Variants in LINGO2 observed in about 807,000 individuals in gnomAD.
LINGO2 encodes leucine rich repeat and Ig domain containing 2, also known as leucine-rich repeat and immunoglobulin-like domain-containing nogo receptor-interacting protein 2.
Under a neutral mutation model 30.6 loss-of-function variants are expected in LINGO2, and 14 were observed. The ratio of observed to expected loss-of-function variants is 0.46; its 90% CI spans 0.30 to 0.72. The LOEUF is 0.72. LINGO2 is among the 30% of genes least tolerant of loss of function. The probability of loss-of-function intolerance (pLI) is 0.07; values close to 1 mark genes in which losing one functional copy is unlikely to be tolerated. For synonymous variants in LINGO2, 317 were observed against 288.5 expected, an observed-to-expected ratio of 1.10 and a Z score of -1.00; for missense variants, 729 against 751.7, an observed-to-expected ratio of 0.97 and a Z score of 0.35.
the LINGO2 span, among the ~76,000 whole-genome samples, chr9:28,858,347 T>C: frequency 1.3e-5 from 2 of 152,072 alleles, no homozygotes; most frequent in Non-Finnish European, 2.9e-5. Flanking sequence ...TCTCAAATTA[T>C]GCAATCCCAT....
intron 5 of LINGO2, among the ~76,000 whole-genome samples, chr9:27,977,487 T>G (rs552068672): frequency 9.0e-4 from 137 of 152,046 alleles, no homozygotes; most frequent in African/African-American, 3.3e-3. Context: ...TTACGACGAC[T>G]CCCTGACTAC....
chr9:28,082,783 C>A (rs959683301), intron 4 of LINGO2, among the ~76,000 whole-genome samples: 1 of 152,154 alleles, frequency 6.6e-6, no homozygotes, highest in Non-Finnish European at 1.5e-5. Flanking sequence ...CTGCGTTTTT[C>A]TGACTCATAT....
the LINGO2 span, among the ~76,000 whole-genome samples, chr9:28,831,957 T>G: frequency 5.3e-4 from 80 of 152,352 alleles, no homozygotes; most frequent in Middle Eastern, 6.8e-3. Context: ...AAACAAATTT[T>G]GTGGCATTAG....
At chr9:28,764,287 C>T in the LINGO2 span, among the ~76,000 whole-genome samples, 1 of 151,784 alleles carries the variant, frequency 6.6e-6, no homozygotes, top group African/African-American at 2.4e-5. Context: ...AATTTAACAA[C>T]ACATCAAATA....
At chr9:28,089,319 A>G (rs187941519) in intron 4 of LINGO2, among the ~76,000 whole-genome samples, 1 of 152,310 alleles carries the variant, frequency 6.6e-6, no homozygotes, top group African/African-American at 2.4e-5. Flanking sequence ...TTGGAAGTAA[A>G]GTACATCTTA....
rs774372429 is a variant in LINGO2 at position 27,950,376 on chromosome 9, C to G, written c.296G>C (p.Gly99Ala). The G allele has an allele frequency of 5.6e-6, 9 of 1,614,042 alleles. No homozygotes were observed. The East Asian group carries it at 2.0e-4, about 36-fold the overall frequency. Reference sequence around the variant, plus strand: ...CAGGTTAAAGAGATTGTTGAATGCTCCTGGTTCCACATTGGCAATGATGTT... The same window carrying G: ...CAGGTTAAAGAGATTGTTGAATGCTGCTGGTTCCACATTGGCAATGATGTT... Residue 99 changes from glycine (G) to alanine (A), a missense_variant, in exon 6 of 6, where the codon GGA becomes GCA. Physicochemically the swap from Gly to Ala is moderately conservative, Grantham distance 60. Transcript: ENST00000379992.
chr9:28,574,758 C>T (rs1191708844), intron 1 of LINGO2, among the ~76,000 whole-genome samples: 2 of 152,114 alleles, frequency 1.3e-5, no homozygotes, highest in Admixed American at 6.5e-5. Context: ...TCAATCTGCA[C>T]AAGGAATCAA....
the LINGO2 span, among the ~76,000 whole-genome samples, chr9:29,102,553 A>G: frequency 3.9e-5 from 6 of 152,186 alleles, no homozygotes; most frequent in Non-Finnish European, 7.4e-5. Flanking sequence ...TATAAGAATA[A>G]TGAGGTTTGA....
the LINGO2 span, among the ~76,000 whole-genome samples, chr9:28,743,893 A>C: frequency 1.3e-5 from 2 of 151,358 alleles, no homozygotes; most frequent in Non-Finnish European, 2.9e-5. Context: ...TTTATTTGTA[A>C]ATTTTTCTGT....
At chr9:29,016,854 G>T in the LINGO2 span, among the ~76,000 whole-genome samples, 1 of 152,232 alleles carries the variant, frequency 6.6e-6, no homozygotes, top group East Asian at 1.9e-4. Flanking sequence ...CATATAAGAA[G>T]ATCATCTTTA....
chr9:28,251,794 A>G (rs553707553), intron 4 of LINGO2, among the ~76,000 whole-genome samples: 4 of 152,290 alleles, frequency 2.6e-5, no homozygotes, highest in South Asian at 2.1e-4. Context: ...ACTATTACAT[A>G]CAGGGAGGAA....
chr9:28,339,864 G>A (rs938147938), intron 3 of LINGO2, among the ~76,000 whole-genome samples: 1 of 152,112 alleles, frequency 6.6e-6, no homozygotes, highest in Non-Finnish European at 1.5e-5. Flanking sequence ...GGACAACTCT[G>A]TTGATTGGAG....
chr9:28,390,908 C>G (rs1055108364), intron 2 of LINGO2, among the ~76,000 whole-genome samples: 1 of 152,008 alleles, frequency 6.6e-6, no homozygotes, highest in Non-Finnish European at 1.5e-5. Flanking sequence ...ATTCTTCTAT[C>G]TTAGTAGCAT....
Position 28,149,055 on chromosome 9 carries a change from G to T in LINGO2, c.-86-136650C>A. ...GGGCCCCCACCGGCTAAGCTTCCATGTCTATCTCCTGAGGCACTGTTGGTG... is the reference window on the plus strand; with the variant it reads ...GGGCCCCCACCGGCTAAGCTTCCATTTCTATCTCCTGAGGCACTGTTGGTG... On this transcript the variant is annotated intron_variant, in intron 4 of 5. Coordinates refer to ENST00000379992, the Ensembl canonical transcript of LINGO2. 3 of 1,534,552 alleles carry T rather than the reference G, an allele frequency of 2.0e-6. No homozygotes were observed. The African/African-American group carries it at 4.1e-5, about 21-fold the overall frequency.
chr9:28,971,139 G>C, the LINGO2 span, among the ~76,000 whole-genome samples: 2 of 152,126 alleles, frequency 1.3e-5, no homozygotes, highest in Non-Finnish European at 2.9e-5. Context: ...TGGGCAAGAA[G>C]AGAACTCACT....
the LINGO2 span, among the ~76,000 whole-genome samples, chr9:29,066,862 T>G: frequency 6.6e-6 from 1 of 151,960 alleles, no homozygotes; most frequent in South Asian, 2.1e-4. Context: ...CTGCTTTATG[T>G]TAGCTTCTCA....
intron 4 of LINGO2, among the ~76,000 whole-genome samples, chr9:28,207,798 T>A (rs1289883067): frequency 6.6e-6 from 1 of 152,118 alleles, no homozygotes; most frequent in Non-Finnish European, 1.5e-5. Flanking sequence ...CTAAAAATAA[T>A]TAGCTATGTT....
chr9:29,157,643 T>A, the LINGO2 span, among the ~76,000 whole-genome samples: 1 of 152,158 alleles, frequency 6.6e-6, no homozygotes. Flanking sequence ...GACAAGTAAG[T>A]ACTCATTTAA....
chr9:28,720,211 T>G, the LINGO2 span, among the ~76,000 whole-genome samples: 1 of 152,166 alleles, frequency 6.6e-6, no homozygotes. Context: ...AGCACTTCAT[T>G]TTTTTATATA....
Sources: allele counts gnomAD v4.1 joint callset (sites outside exome capture counted in the v4.1 genomes callset), GRCh38; gene constraint gnomAD v4.1.1; transcripts MANE v1.5; gene names NCBI Gene and HGNC (gene_info 2026-07-23, HGNC 2026-07-21).